The following UBE4B variants were observed in gnomAD, a reference collection of about 807,000 sequenced individuals.
UBE4B encodes ubiquitination factor E4B.
In UBE4B, 27 loss-of-function variants were observed where a neutral mutation model predicts 148.1. That is an observed-to-expected ratio of 0.18 (90% confidence interval 0.13 to 0.25). The LOEUF (loss-of-function observed/expected upper bound fraction) is 0.25, where lower values mean the gene tolerates loss of function less well. Among genes scored for constraint, UBE4B ranks in the 10% least tolerant of loss-of-function variants. The probability of loss-of-function intolerance (pLI) is 1.00; values close to 1 mark genes in which losing one functional copy is unlikely to be tolerated. For missense variants in UBE4B, 1,170 were observed against 1,662.4 expected, an observed-to-expected ratio of 0.70 and a Z score of 5.15; for synonymous variants, 596 against 619.3, an observed-to-expected ratio of 0.96 and a Z score of 0.56.
At chr1:10,111,687 T>C (rs1180187073) in intron 7 of UBE4B, among the ~76,000 whole-genome samples, 1 of 152,116 alleles carries the variant, frequency 6.6e-6, no homozygotes, top group Admixed American at 6.6e-5. Flanking sequence ...CCAGGCGCGG[T>C]GGCTCACACC....
In UBE4B at chr1:10,151,337, A is replaced by G. The variant is rs201222800; in HGVS notation, c.2702A>G (p.Gln901Arg). The G allele has an allele frequency of 1.2e-6, 2 of 1,613,816 alleles. No homozygotes were observed. The highest frequency in any genetic ancestry group is 8.5e-7 in the Non-Finnish European group (1 of 1,180,008). Residue 901 changes from glutamine (Q) to arginine (R), a missense_variant, in exon 21 of 28, where the codon CAG becomes CGG. Gln to Arg is a conservative substitution (Grantham distance 43). Around this residue, in one of 6 missense-constraint regions of UBE4B, gnomAD observed 348 missense variants for 627.2 expected, o/e 0.55. Coordinates refer to ENST00000343090, the MANE Select transcript of UBE4B (RefSeq NM_001105562.3). Reference sequence around the variant, plus strand: ...TTGCCTCTGTTCAGATACTCTCCCCAGGCGCTTTATGAGCCCTGTACTCAG... The same window carrying G: ...TTGCCTCTGTTCAGATACTCTCCCCGGGCGCTTTATGAGCCCTGTACTCAG... Reference protein sequence around the residue: ...FLFFIVQYSPQALYEPCTQDI... With the variant: ...FLFFIVQYSPRALYEPCTQDI...
chr1:10,149,318 GT>G, intron 20 of UBE4B, 36 bp downstream of exon 20: 2 of 1,479,568 alleles, frequency 1.4e-6, no homozygotes, highest in East Asian at 2.3e-5. Flanking sequence ...GTTCTAATAT[GT>G]TTTTATGCAT....
chr1:10,086,615 G>A (rs550011538), intron 2 of UBE4B, among the ~76,000 whole-genome samples: 31 of 152,250 alleles, frequency 2.0e-4, no homozygotes, highest in Non-Finnish European at 2.9e-4. Flanking sequence ...GGATCCATAG[G>A]AATTACACTT....
intron 20 of UBE4B, 136 bp from the exon 21 acceptor site, chr1:10,151,190 G>A: frequency 2.9e-6 from 2 of 694,304 alleles, no homozygotes. Flanking sequence ...ACTGTAAACT[G>A]AATGAGTTCA....
intron 7 of UBE4B, among the ~76,000 whole-genome samples, chr1:10,115,701 G>A (rs1645297206): frequency 6.6e-6 from 1 of 152,176 alleles, no homozygotes; most frequent in Non-Finnish European, 1.5e-5. Flanking sequence ...AGGCAGATTG[G>A]TCATTGTGTG....
chr1:10,149,360 A>T, intron 20 of UBE4B, 78 bp downstream of exon 20: 1 of 1,189,224 alleles, frequency 8.4e-7, no homozygotes, highest in Non-Finnish European at 1.2e-6. Flanking sequence ...TATGTTGCAA[A>T]CCTCCATTTC....
intron 1 of UBE4B, among the ~76,000 whole-genome samples, chr1:10,048,926 T>A (rs548638050): frequency 1.3e-5 from 2 of 152,354 alleles, no homozygotes; most frequent in Non-Finnish European, 2.9e-5. Context: ...TTCTCTGCTA[T>A]AATCACTACT....
At chr1:10,080,007 AG>A (rs1160675093) in intron 2 of UBE4B, among the ~76,000 whole-genome samples, 1 of 152,112 alleles carries the variant, frequency 6.6e-6, no homozygotes, top group East Asian at 1.9e-4. Flanking sequence ...ACTTGTGAAG[AG>A]GTGCAGATGC....
At chr1:10,093,022 T>C (rs1464552561) in intron 2 of UBE4B, among the ~76,000 whole-genome samples, 2 of 152,180 alleles carry the variant, frequency 1.3e-5, no homozygotes, top group Admixed American at 6.5e-5. Context: ...ATATTACAAA[T>C]GCAGTATGTT....
chr1:10,101,063 G>A (rs756660786), intron 3 of UBE4B, 45 bp from the exon 4 acceptor site: 37 of 1,562,988 alleles, frequency 2.4e-5, no homozygotes, highest in Non-Finnish European at 2.9e-5. Flanking sequence ...GACATTGTGC[G>A]GATTTATAAA....
chr1:10,140,079 C>T (rs1213001048), intron 17 of UBE4B, among the ~76,000 whole-genome samples: 1 of 152,104 alleles, frequency 6.6e-6, no homozygotes, highest in Non-Finnish European at 1.5e-5. Context: ...CCTTTCCAAC[C>T]CTTTCGCTTA....
At chr1:10,119,085 G>A (rs1013494431) in intron 8 of UBE4B, among the ~76,000 whole-genome samples, 2 of 151,564 alleles carry the variant, frequency 1.3e-5, no homozygotes, top group Non-Finnish European at 2.9e-5. Context: ...GTTTCACCAT[G>A]TTGGCCAGGA....
chr1:10,084,774 T>C (rs1404922117), intron 2 of UBE4B, among the ~76,000 whole-genome samples: 1 of 151,782 alleles, frequency 6.6e-6, no homozygotes. Flanking sequence ...CTTGGCTCAC[T>C]GTAGCCTCCA....
At chr1:10,117,417 T>A in intron 7 of UBE4B, 42 bp from the exon 8 acceptor site, 1 of 1,607,110 alleles carries the variant, frequency 6.2e-7, no homozygotes, top group Non-Finnish European at 8.5e-7. Flanking sequence ...CCAAAAATAA[T>A]CAAGAGATAA....
chr1:10,083,295 CA>C (rs1644713962), intron 2 of UBE4B, among the ~76,000 whole-genome samples: 1 of 152,160 alleles, frequency 6.6e-6, no homozygotes, highest in African/African-American at 2.4e-5. Flanking sequence ...AGAAGGAAAA[CA>C]GATGCAAAGG....
chr1:10,101,491 T>C (rs531152287), intron 4 of UBE4B, among the ~76,000 whole-genome samples: 2 of 145,134 alleles, frequency 1.4e-5, no homozygotes, highest in Admixed American at 1.4e-4. Flanking sequence ...TTTCTGTTGG[T>C]CTTTTGCTTT....
chr1:10,126,134 A>G (rs1457159248), intron 10 of UBE4B, among the ~76,000 whole-genome samples: 1 of 152,132 alleles, frequency 6.6e-6, no homozygotes, highest in African/African-American at 2.4e-5. Flanking sequence ...CCCCGTCTCT[A>G]CTAAAAATAC....
chr1:10,109,624 G>A (rs1402192777), intron 7 of UBE4B, among the ~76,000 whole-genome samples: 2 of 151,754 alleles, frequency 1.3e-5, no homozygotes, highest in Non-Finnish European at 2.9e-5. Context: ...AGTAGGGTCA[G>A]AGCCAAGATG....
intron 2 of UBE4B, among the ~76,000 whole-genome samples, chr1:10,084,690 CTTTTCTTTT>C (rs1265727290): frequency 8.6e-5 from 13 of 150,960 alleles, no homozygotes; most frequent in African/African-American, 1.5e-4. Context: ...TTCTTTCTTT[CTTTTCTTTT>C]TTTTCTTTTT....
Sources: allele counts gnomAD v4.1 joint callset (sites outside exome capture counted in the v4.1 genomes callset), GRCh38; gene constraint gnomAD v4.1.1; regional missense constraint gnomAD v4.1.1; transcripts MANE v1.5; gene names NCBI Gene and HGNC (gene_info 2026-07-23, HGNC 2026-07-21).